The following NTM variants were observed in gnomAD, a reference collection of about 807,000 sequenced individuals.
The protein encoded by NTM is neurotrimin, also known as IgLON family member 2.
NTM carries 13 observed loss-of-function variants against 42.1 expected under a neutral mutation model. That is an observed-to-expected ratio of 0.31 (90% CI 0.20 to 0.49). The LOEUF (loss-of-function observed/expected upper bound fraction) is 0.49. Among genes scored for constraint, NTM ranks in the 20% least tolerant of loss-of-function variants. NTM has a pLI of 0.99. For missense variants in NTM, 373 were observed against 452.8 expected, an observed-to-expected ratio of 0.82 and a Z score of 1.60; for synonymous variants, 187 against 179.2, an observed-to-expected ratio of 1.04 and a Z score of -0.35.
intron 2 of NTM, among the ~76,000 whole-genome samples, chr11:132,026,507 T>C (rs929794209): frequency 1.3e-5 from 2 of 152,188 alleles, no homozygotes; most frequent in African/African-American, 4.8e-5. Context: ...TTTTCTTGTA[T>C]TTTCATCAGA....
intron 7 of NTM, among the ~76,000 whole-genome samples, chr11:132,321,458 G>A (rs200698969): frequency 3.4e-4 from 52 of 152,220 alleles, no homozygotes; most frequent in South Asian, 1.0e-3. Flanking sequence ...GAAATGAAGC[G>A]AGAAGGAAAG....
chr11:132,194,151 C>CA (rs992566945), intron 3 of NTM, among the ~76,000 whole-genome samples: 3 of 90,654 alleles, frequency 3.3e-5, no homozygotes, highest in African/African-American at 8.8e-5. Context: ...AACAAACAAA[C>CA]AACAACAACA....
At chr11:132,051,526 A>T (rs189001765) in intron 2 of NTM, among the ~76,000 whole-genome samples, 151 of 152,252 alleles carry the variant, frequency 9.9e-4, no homozygotes, top group Non-Finnish European at 1.6e-3. Context: ...GGCCACAGGG[A>T]GCCTTATCCT....
At chr11:131,721,996 C>CCAA (rs2078398350) in intron 1 of NTM, among the ~76,000 whole-genome samples, 1 of 10,286 alleles carries the variant, frequency 9.7e-5, no homozygotes, top group African/African-American at 2.9e-4. Flanking sequence ...AACTCTGTCT[C>CCAA]AAAAAAAAAA....
At chr11:132,215,129 G>A (rs1458983323) in intron 4 of NTM, among the ~76,000 whole-genome samples, 1 of 152,192 alleles carries the variant, frequency 6.6e-6, no homozygotes, top group African/African-American at 2.4e-5. Context: ...GGTGTTCCTT[G>A]GAGAAGAAGA....
At chr11:131,880,731 C>A (rs147164930) in intron 1 of NTM, among the ~76,000 whole-genome samples, 3 of 152,258 alleles carry the variant, frequency 2.0e-5, no homozygotes, top group East Asian at 3.9e-4. Context: ...TATAGCCTGG[C>A]TGTTCAGGAA....
intron 1 of NTM, among the ~76,000 whole-genome samples, chr11:131,444,146 G>A (rs1202139306): frequency 6.9e-6 from 1 of 144,478 alleles, no homozygotes; most frequent in Non-Finnish European, 1.5e-5. Context: ...TTTAAGAAAA[G>A]GTGGTAGAGA....
chr11:132,210,026 G>C (rs2082592448), intron 3 of NTM, among the ~76,000 whole-genome samples: 1 of 152,180 alleles, frequency 6.6e-6, no homozygotes, highest in South Asian at 2.1e-4. Context: ...AATGGTTCAA[G>C]TAGAGGCAAG....
chr11:131,882,688 C>CA (rs57292065), intron 1 of NTM, among the ~76,000 whole-genome samples: 9,610 of 152,146 alleles, frequency 0.063, 339 homozygotes, highest in East Asian at 0.16. Context: ...ATTCAATTCA[C>CA]AATTCCGGTG....
At chr11:131,485,473 C>T (rs375248412) in intron 1 of NTM, among the ~76,000 whole-genome samples, 10 of 152,092 alleles carry the variant, frequency 6.6e-5, no homozygotes, top group Non-Finnish European at 8.8e-5. Context: ...GGTGAATGTT[C>T]GAGGTGAGGT....
intron 2 of NTM, among the ~76,000 whole-genome samples, chr11:131,963,715 C>A (rs1054015971): frequency 6.6e-6 from 1 of 152,182 alleles, no homozygotes; most frequent in African/African-American, 2.4e-5. Context: ...ATTGTTTCTG[C>A]CCTGACAGAG....
intron 2 of NTM, among the ~76,000 whole-genome samples, chr11:131,978,065 G>A (rs1410072041): frequency 6.6e-6 from 1 of 152,164 alleles, no homozygotes; most frequent in Non-Finnish European, 1.5e-5. Flanking sequence ...AGAGAAGGGA[G>A]CCACATGAAG....
intron 1 of NTM, among the ~76,000 whole-genome samples, chr11:131,601,038 G>C (rs1443039427): frequency 2.0e-5 from 3 of 152,204 alleles, no homozygotes; most frequent in African/African-American, 7.2e-5. Flanking sequence ...AATAGATTCA[G>C]GTTTGGAGTT....
At chr11:131,543,332 TC>T (rs2136825180) in intron 1 of NTM, among the ~76,000 whole-genome samples, 1 of 152,272 alleles carries the variant, frequency 6.6e-6, no homozygotes, top group African/African-American at 2.4e-5. Context: ...TAGCATCACT[TC>T]CAGAGAAACA....
chr11:131,400,057 T>G (rs1944968899), intron 1 of NTM, among the ~76,000 whole-genome samples: 1 of 151,322 alleles, frequency 6.6e-6, no homozygotes, highest in Non-Finnish European at 1.5e-5. Flanking sequence ...AGCTCATCAT[T>G]GATTGGTAGC....
intron 1 of NTM, among the ~76,000 whole-genome samples, chr11:131,381,158 C>T (rs1356331341): frequency 6.6e-6 from 1 of 152,122 alleles, no homozygotes; most frequent in Non-Finnish European, 1.5e-5. Flanking sequence ...AGGTGAGGTG[C>T]TGGCATCAGA....
chr11:131,456,057 T>TG (rs1210353791), intron 1 of NTM, among the ~76,000 whole-genome samples: 1 of 152,208 alleles, frequency 6.6e-6, no homozygotes, highest in African/African-American at 2.4e-5. Context: ...TTTGTGTGTG[T>TG]GAAAAATAAG....
At chr11:131,803,648 C>T (rs1208547531) in intron 1 of NTM, among the ~76,000 whole-genome samples, 1 of 152,344 alleles carries the variant, frequency 6.6e-6, no homozygotes, top group African/African-American at 2.4e-5. Context: ...CTGGCTGAAT[C>T]TCAAGCCAAC....
rs145951123 is a variant in NTM, at chr11:131,426,002, T to C, written c.82+55114T>C. 3.0e-3 allele frequency among the ~76,000 whole-genome samples: 463 copies of C among 152,202 alleles called. 3 individuals are homozygous for C. The highest frequency in any genetic ancestry group is 5.4e-3 in the Non-Finnish European group (365 of 68,018). Reference sequence around the variant, plus strand: ...ACTCTCACCAGGCGAGACATGAGGCTGATAGTGGTGGAGATGCTTTCTGGA... The same window carrying C: ...ACTCTCACCAGGCGAGACATGAGGCCGATAGTGGTGGAGATGCTTTCTGGA... On this transcript the variant is annotated intron_variant, in intron 1 of 8. Transcript: ENST00000683400.
Sources: gnomAD v4.1 joint callset for allele counts (sites outside exome capture counted in the v4.1 genomes callset) on GRCh38, gnomAD v4.1.1 for gene constraint, MANE v1.5 for transcripts, NCBI Gene and HGNC (gene_info 2026-07-23, HGNC 2026-07-21) for gene names.